The following TACC2 variants were observed in gnomAD, a reference collection of about 807,000 sequenced individuals.
TACC2 encodes transforming acidic coiled-coil containing protein 2.
TACC2 carries 137 observed loss-of-function variants against 227.3 expected under a neutral mutation model. The ratio of observed to expected loss-of-function variants is 0.60; its 90% CI spans 0.52 to 0.69. The LOEUF (loss-of-function observed/expected upper bound fraction) is 0.69. Among genes scored for constraint, TACC2 ranks in the 30% least tolerant of loss-of-function variants. The probability of loss-of-function intolerance (pLI) is 0.00; values close to 1 mark genes in which losing one functional copy is unlikely to be tolerated. For synonymous variants in TACC2, 1,523 were observed against 1,487.5 expected (o/e 1.02, Z -0.55); for missense variants, 3,470 against 3,694.4 (o/e 0.94, Z 1.57).
chr10:122,168,065 TTTTTTTTA>T (rs1227388846), intron 7 of TACC2, among the ~76,000 whole-genome samples: 3 of 116,738 alleles, frequency 2.6e-5, no homozygotes, highest in African/African-American at 1.0e-4. Context: ...TTTTTTTTTT[TTTTTTTTA>T]AATAATTTTT....
chr10:122,238,349 A>G (rs982108660), intron 18 of TACC2, among the ~76,000 whole-genome samples: 5 of 152,174 alleles, frequency 3.3e-5, no homozygotes, highest in African/African-American at 1.2e-4. Flanking sequence ...AGAATTTTCC[A>G]TTTCTCATCA....
At chr10:122,006,444 G>A (rs1050617726) in intron 1 of TACC2, among the ~76,000 whole-genome samples, 3 of 89,112 alleles carry the variant, frequency 3.4e-5, no homozygotes, top group Admixed American at 1.0e-4. Flanking sequence ...GTGAGACTCA[G>A]TCTCAAAAAA....
At chr10:122,027,636 T>C (rs182750861) in intron 2 of TACC2, among the ~76,000 whole-genome samples, 1 of 152,236 alleles carries the variant, frequency 6.6e-6, no homozygotes, top group Admixed American at 6.5e-5. Context: ...TCAGGTACAG[T>C]GAGTCTTCTC....
intron 7 of TACC2, among the ~76,000 whole-genome samples, chr10:122,149,240 G>A (rs2091766258): frequency 6.6e-6 from 1 of 152,298 alleles, no homozygotes; most frequent in African/African-American, 2.4e-5. Context: ...TTCAGAGTTG[G>A]CCTCTCACTC....
chr10:122,005,376 G>A (rs1297285536), intron 1 of TACC2, among the ~76,000 whole-genome samples: 3 of 135,874 alleles, frequency 2.2e-5, no homozygotes, highest in Non-Finnish European at 3.2e-5. Context: ...GAGCCACCAC[G>A]CCCAGCTTTT....
chr10:122,235,796 T>C (rs888576048), intron 16 of TACC2, among the ~76,000 whole-genome samples: 2 of 152,156 alleles, frequency 1.3e-5, no homozygotes, highest in South Asian at 4.2e-4. Context: ...CAAGCGTCCT[T>C]AAAACGGGGA....
intron 7 of TACC2, among the ~76,000 whole-genome samples, chr10:122,178,434 C>T (rs1439968092): frequency 6.6e-6 from 1 of 151,970 alleles, no homozygotes; most frequent in Non-Finnish European, 1.5e-5. Context: ...GCAAGGTTTC[C>T]TCATGTTGGT....
chr10:122,000,229 A>G (rs1470472246), intron 1 of TACC2, among the ~76,000 whole-genome samples: 1 of 152,158 alleles, frequency 6.6e-6, no homozygotes, highest in Non-Finnish European at 1.5e-5. Context: ...AATACAAAAA[A>G]TTAGCCAGGC....
intron 5 of TACC2, among the ~76,000 whole-genome samples, chr10:122,105,372 A>G (rs2082634107): frequency 6.6e-6 from 1 of 152,114 alleles, no homozygotes; most frequent in Non-Finnish European, 1.5e-5. Context: ...GGGCATTGGC[A>G]GTCTGGGATG....
At chr10:122,129,060 A>ATT (rs1555055945) in intron 5 of TACC2, among the ~76,000 whole-genome samples, 5,276 of 128,516 alleles carry the variant, frequency 0.041, 147 homozygotes, top group South Asian at 0.088. Flanking sequence ...ATCTTATTTT[A>ATT]ATTATTATTA....
In TACC2 at chr10:122,082,865, T is replaced by A. The variant is rs1263231461; in HGVS notation, c.365T>A (p.Leu122Ter). The change falls in exon 4 of 23, where the codon TTG becomes TAG. Residue 122 changes from leucine to a stop codon, truncating the protein, a stop_gained. Coordinates refer to ENST00000369005, the MANE Select transcript of TACC2 (RefSeq NM_206862.4). LOFTEE classifies it high-confidence loss of function. ...GCCGAGTGTCCCCCGGAAGGTTGCTTGGCAAGTCCAGCAGCGGCACCTGAA... is the reference window on the plus strand; with the variant it reads ...GCCGAGTGTCCCCCGGAAGGTTGCTAGGCAAGTCCAGCAGCGGCACCTGAA... ...PFAECPPEGC[L>*]ASPAAAPEDG... The A allele has an allele frequency of 1.9e-6, 3 of 1,613,298 alleles. No individual in the cohort carries two copies. The highest frequency in any genetic ancestry group is 1.3e-5 in the African/African-American group (1 of 74,882).
At chr10:122,144,574 G>C (rs1440754598) in intron 7 of TACC2, among the ~76,000 whole-genome samples, 1 of 152,226 alleles carries the variant, frequency 6.6e-6, no homozygotes, top group Non-Finnish European at 1.5e-5. Flanking sequence ...AGCCATGGTA[G>C]AGGGCAAGAA....
At chr10:122,203,872 A>G (rs2094991496) in intron 8 of TACC2, among the ~76,000 whole-genome samples, 1 of 151,986 alleles carries the variant, frequency 6.6e-6, no homozygotes. Context: ...GGCACCATTG[A>G]GCACTGAGTG....
At chr10:122,231,986 G>A (rs1037982914) in intron 16 of TACC2, among the ~76,000 whole-genome samples, 1 of 152,224 alleles carries the variant, frequency 6.6e-6, no homozygotes, top group Admixed American at 6.5e-5. Flanking sequence ...GGGCCCCGCA[G>A]TGAGGTCTCC....
intron 2 of TACC2, among the ~76,000 whole-genome samples, chr10:122,039,029 G>A (rs1451169962): frequency 6.6e-6 from 1 of 152,188 alleles, no homozygotes; most frequent in Non-Finnish European, 1.5e-5. Context: ...AGGCTGGAGT[G>A]CAGTGGCACA....
intron 1 of TACC2, among the ~76,000 whole-genome samples, chr10:122,005,105 A>G (rs1443215795): frequency 6.6e-6 from 1 of 151,836 alleles, no homozygotes; most frequent in African/African-American, 2.4e-5. Flanking sequence ...TTTTTGAGAC[A>G]GAGTCTCACC....
intron 11 of TACC2, among the ~76,000 whole-genome samples, chr10:122,221,193 C>G (rs963372764): frequency 1.3e-5 from 2 of 152,240 alleles, no homozygotes; most frequent in African/African-American, 4.8e-5. Context: ...TCATCTTCCA[C>G]GGATGAAGAA....
At chr10:122,250,154 T>C (rs2096224495) in intron 22 of TACC2, among the ~76,000 whole-genome samples, 1 of 152,166 alleles carries the variant, frequency 6.6e-6, no homozygotes, top group East Asian at 1.9e-4. Context: ...GCAGGTTTCC[T>C]CCTTTTGGAT....
chr10:122,211,624 T>A lies in TACC2; in HGVS notation c.7199T>A (p.Ile2400Asn). Residue 2400 changes from isoleucine to asparagine, a missense_variant, in exon 9 of 23, where the codon ATC becomes AAC. By Grantham distance (149) the Ile-to-Asn change is moderately radical. Coordinates refer to ENST00000369005, the MANE Select transcript of TACC2 (RefSeq NM_206862.4). ...SPSKSPASFEIPASAMEANGV... is the reference protein window; with the variant it reads ...SPSKSPASFENPASAMEANGV... Reference sequence around the variant, plus strand: ...TCTAAATCCCCAGCCTCCTTTGAGATCCCAGCCAGTGCTATGGAAGCCAAT... The same window carrying A: ...TCTAAATCCCCAGCCTCCTTTGAGAACCCAGCCAGTGCTATGGAAGCCAAT... 1 of 1,613,110 alleles carries A rather than the reference T, an allele frequency of 6.2e-7. No homozygotes were observed. The highest frequency in any genetic ancestry group is 8.5e-7 in the Non-Finnish European group (1 of 1,179,562).
Sources: allele counts gnomAD v4.1 joint callset (sites outside exome capture counted in the v4.1 genomes callset), GRCh38; gene constraint gnomAD v4.1.1; transcripts MANE v1.5; gene names NCBI Gene and HGNC (gene_info 2026-07-23, HGNC 2026-07-21).